Variants in CADPS observed in about 807,000 individuals in gnomAD.
CADPS encodes the protein calcium-dependent secretion activator 1.
In CADPS, 57 loss-of-function variants were observed where a neutral mutation model predicts 167.3. The observed-to-expected ratio is 0.34, with a 90% confidence interval of 0.28 to 0.42. CADPS has a LOEUF of 0.42. CADPS is among the 20% of genes least tolerant of loss of function. The pLI is 1.00. For missense variants in CADPS, 1,414 were observed against 1,738.1 expected (o/e 0.81, Z 3.32); for synonymous variants, 676 against 635.3 (o/e 1.06, Z -0.96).
intron 24 of CADPS, among the ~76,000 whole-genome samples, chr3:62,468,328 T>A: frequency 6.6e-6 from 1 of 152,164 alleles, no homozygotes; most frequent in South Asian, 2.1e-4. Context: ...TCACATTTAT[T>A]AATTATGGGA....
At chr3:62,646,486 T>C (rs2068622247) in intron 5 of CADPS, among the ~76,000 whole-genome samples, 1 of 152,174 alleles carries the variant, frequency 6.6e-6, no homozygotes, top group African/African-American at 2.4e-5. Context: ...TCTTATTTTC[T>C]TTAAAAATAG....
chr3:62,597,208 T>C (rs2059056492), intron 6 of CADPS, among the ~76,000 whole-genome samples: 2 of 152,070 alleles, frequency 1.3e-5, no homozygotes, highest in Non-Finnish European at 2.9e-5. Context: ...TAGCTGCATA[T>C]GGTGGTGCAT....
In CADPS at chr3:62,465,394, A is replaced by G. The variant is rs2059826569; in HGVS notation, c.3609T>C (p.Thr1203=). The G allele has an allele frequency of 8.1e-6, 13 of 1,609,008 alleles. No homozygotes were observed. In the Middle Eastern group the frequency reaches 5.0e-4, roughly 61 times the overall value. The change falls in exon 26 of 30, where the codon ACT becomes ACC. Residue 1203 remains threonine, a synonymous_variant. Transcript: ENST00000383710. This position sits in a 1 kb window ranked among gnomAD's most constrained non-coding sequence, Gnocchi z 4.1. The part of the protein sequence containing the change: ...LAKLSRYDEG[T]LFSSFLSFTV... Reference sequence around the variant, plus strand: ...TAAATGACAGAAAAGAAGAAAACAAAGTCCCTTCGTCATATCTGGATAATT... The same window carrying G: ...TAAATGACAGAAAAGAAGAAAACAAGGTCCCTTCGTCATATCTGGATAATT...
rs530800049 is a variant in CADPS, at chr3:62,813,002, C to T, written c.442-47018G>A. On this transcript the variant is annotated intron_variant, in intron 1 of 29. Transcript: ENST00000383710. The stretch of plus-strand genomic sequence containing the variant: ...CAAATGGAAAAATATTCCATACTCA[C>T]GGATTAGAAGAATATCATTAAAATG... Among the ~76,000 whole-genome samples, 10 of 152,062 alleles carry T rather than the reference C, an allele frequency of 6.6e-5. No homozygotes were observed. In the East Asian group the frequency reaches 9.7e-4, roughly 15 times the overall value.
intron 3 of CADPS, among the ~76,000 whole-genome samples, chr3:62,705,338 C>T (rs2082126631): frequency 6.6e-6 from 1 of 152,156 alleles, no homozygotes; most frequent in Non-Finnish European, 1.5e-5. Flanking sequence ...ATATCCATCT[C>T]TTCCAGCATC....
At chr3:62,431,087 T>C (rs1199997523) in intron 28 of CADPS, among the ~76,000 whole-genome samples, 3 of 152,244 alleles carry the variant, frequency 2.0e-5, no homozygotes, top group African/African-American at 7.2e-5. Context: ...TAAAATTTGA[T>C]CTAAAGAGTA....
rs1378621081 is a variant in CADPS, at chr3:62,399,409, ATCGTCTTCT to A, written c.4050_4058del (p.Glu1350_Asp1352del). ...GCAGACTCTAGGACCAAATGGTCTAATCGTCTTCTTCGTCTTCCTCATCGCTGTCCTTCA... is the reference window on the plus strand; with the variant it reads ...GCAGACTCTAGGACCAAATGGTCTAATCGTCTTCCTCATCGCTGTCCTTCA... On this transcript the variant is annotated inframe_deletion, in exon 30 of 30. Transcript: ENST00000383710. The surrounding 1 kb of genome is among the most constrained non-coding windows in gnomAD (Gnocchi z 5.6). 1.2e-6 allele frequency: 2 copies of A among 1,614,132 alleles called. No homozygotes were observed. Among genetic ancestry groups the A allele is most frequent in the South Asian group, 1.1e-5 (1 of 91,084 alleles).
intron 6 of CADPS, among the ~76,000 whole-genome samples, chr3:62,633,002 A>G (rs1309800128): frequency 6.6e-6 from 1 of 152,090 alleles, no homozygotes; most frequent in East Asian, 1.9e-4. Flanking sequence ...ACTCAAGGTC[A>G]TTCACCGAGA....
chr3:62,697,523 T>A (rs912406656), intron 3 of CADPS, among the ~76,000 whole-genome samples: 7 of 152,132 alleles, frequency 4.6e-5, no homozygotes, highest in Non-Finnish European at 7.3e-5. Flanking sequence ...ACTTTTGGGC[T>A]GGTTCCATAT....
intron 21 of CADPS, among the ~76,000 whole-genome samples, 167 bp downstream of exon 21, chr3:62,491,172 C>CT (rs1055962692): frequency 1.6e-4 from 24 of 152,330 alleles, no homozygotes; most frequent in Middle Eastern, 3.4e-3. Context: ...CCCGACCCTC[C>CT]TGCCATTTGG....
At chr3:62,749,413 G>T (rs2082210869) in intron 3 of CADPS, among the ~76,000 whole-genome samples, 1 of 152,174 alleles carries the variant, frequency 6.6e-6, no homozygotes, top group South Asian at 2.1e-4. Context: ...TCAGATTACA[G>T]CTTCCCCTAG....
chr3:62,748,207 A>G (rs2081924557), intron 3 of CADPS, among the ~76,000 whole-genome samples: 1 of 146,674 alleles, frequency 6.8e-6, no homozygotes, highest in Non-Finnish European at 1.5e-5. Context: ...TTAGCCGGGC[A>G]TGGTGGCAGG....
intron 1 of CADPS, among the ~76,000 whole-genome samples, chr3:62,842,134 T>C (rs2076729462): frequency 6.6e-6 from 1 of 152,226 alleles, no homozygotes; most frequent in African/African-American, 2.4e-5. Flanking sequence ...TCATTCATTA[T>C]GGGTCAAGAG....
intron 1 of CADPS, among the ~76,000 whole-genome samples, chr3:62,802,786 G>A (rs549729796): frequency 3.3e-5 from 5 of 152,260 alleles, no homozygotes; most frequent in Non-Finnish European, 5.9e-5. Context: ...TCATTATGGT[G>A]TACAATCTTT....
At chr3:62,518,371 CAGG>C (rs2069527049) in intron 13 of CADPS, 121 bp from the exon 14 acceptor site, 8 of 693,070 alleles carry the variant, frequency 1.2e-5, no homozygotes, top group Non-Finnish European at 1.9e-5. Flanking sequence ...GATGTGAGCT[CAGG>C]AGAAGCCCAG....
intron 1 of CADPS, among the ~76,000 whole-genome samples, chr3:62,835,008 T>G (rs1386871884): frequency 2.0e-5 from 3 of 152,176 alleles, no homozygotes; most frequent in African/African-American, 7.2e-5. Flanking sequence ...GGATAATATT[T>G]AAAGGAGCAG....
intron 9 of CADPS, among the ~76,000 whole-genome samples, chr3:62,569,759 CACTT>C (rs2080956745): frequency 6.6e-6 from 1 of 152,328 alleles, no homozygotes; most frequent in South Asian, 2.1e-4. Flanking sequence ...CAAGTTGACT[CACTT>C]TGTGAAATCT....
chr3:62,797,534 G>A (rs1199253453), intron 1 of CADPS, among the ~76,000 whole-genome samples: 1 of 152,106 alleles, frequency 6.6e-6, no homozygotes, highest in Non-Finnish European at 1.5e-5. Context: ...TGGAGCTGGA[G>A]GCCATTAGCC....
intron 7 of CADPS, among the ~76,000 whole-genome samples, chr3:62,586,084 T>A (rs2084555043): frequency 6.6e-6 from 1 of 152,176 alleles, no homozygotes; most frequent in South Asian, 2.1e-4. Context: ...CGCTTTGTGA[T>A]CACGGAGTTC....
Sources: allele counts gnomAD v4.1 joint callset (sites outside exome capture counted in the v4.1 genomes callset), GRCh38; gene constraint gnomAD v4.1.1; non-coding constraint Gnocchi (gnomAD v3.1); transcripts MANE v1.5; gene names NCBI Gene and HGNC (gene_info 2026-07-23, HGNC 2026-07-21).